Variants in COL4A6 observed in about 807,000 individuals in gnomAD.
COL4A6 encodes the protein collagen type IV alpha 6 chain.
A neutral mutation model predicts 126.7 loss-of-function variants in COL4A6; 59 were observed. The ratio of observed to expected loss-of-function variants is 0.47; its 90% CI spans 0.38 to 0.58. The LOEUF is 0.58. Among genes scored for constraint, COL4A6 ranks in the 20% least tolerant of loss-of-function variants. The probability of loss-of-function intolerance (pLI) is 0.00; values close to 1 mark genes in which losing one functional copy is unlikely to be tolerated. For synonymous variants in COL4A6, 547 were observed against 496.6 expected, an observed-to-expected ratio of 1.10 and a Z score of -1.35; for missense variants, 1,285 against 1,337.3, an observed-to-expected ratio of 0.96 and a Z score of 0.61.
intron 14 of COL4A6, 149 bp downstream of exon 14, chrX:108,196,362 A>G: frequency 2.0e-6 from 1 of 504,492 alleles, no homozygotes; most frequent in East Asian, 3.4e-5. Context: ...GGGCTAAGAG[A>G]GAAGGAGGTC....
chrX:108,238,112 G>GT (rs376912396), intron 3 of COL4A6, among the ~76,000 whole-genome samples: 117 of 93,693 alleles, frequency 1.2e-3, no homozygotes, highest in Middle Eastern at 5.1e-3. Context: ...GTGTGTGTGT[G>GT]TTTTTTTTTT....
chrX:108,318,546 G>GTT (rs1194513517), intron 2 of COL4A6, among the ~76,000 whole-genome samples: 2 of 110,933 alleles, frequency 1.8e-5, no homozygotes, highest in Non-Finnish European at 3.8e-5. Context: ...CAAAATCAAT[G>GTT]TACAAAAATC....
chrX:108,292,093 G>T (rs1160843703), intron 3 of COL4A6, among the ~76,000 whole-genome samples: 1 of 111,435 alleles, frequency 9.0e-6, no homozygotes, highest in Non-Finnish European at 1.9e-5. Context: ...ACAAACTGTT[G>T]GTCATATTTT....
intron 8 of COL4A6, 80 bp from the exon 9 acceptor site, chrX:108,206,660 C>A: frequency 1.2e-6 from 1 of 835,108 alleles, no homozygotes; most frequent in South Asian, 2.1e-5. Context: ...TCCACGAGAA[C>A]TGTACAAGAA....
chrX:108,343,767 A>T (rs1309055310), intron 2 of COL4A6, among the ~76,000 whole-genome samples: 1 of 105,465 alleles, frequency 9.5e-6, no homozygotes, highest in South Asian at 4.6e-4. Flanking sequence ...AATGAACATA[A>T]TTTGCCAGCT....
At chrX:108,218,256 C>A (rs2035916347) in intron 5 of COL4A6, among the ~76,000 whole-genome samples, 1 of 110,892 alleles carries the variant, frequency 9.0e-6, no homozygotes, top group Admixed American at 9.5e-5. Flanking sequence ...GAAGAGGCTG[C>A]CTCCAGTTTG....
chrX:108,388,981 T>C (rs771727619), intron 2 of COL4A6, among the ~76,000 whole-genome samples: 6 of 111,914 alleles, frequency 5.4e-5, no homozygotes, highest in African/African-American at 9.8e-5. Context: ...TACCCAGTAG[T>C]CATTCAGGAG....
chrX:108,435,886 A>C (rs1471720618), intron 2 of COL4A6, among the ~76,000 whole-genome samples: 2 of 112,018 alleles, frequency 1.8e-5, no homozygotes, highest in Non-Finnish European at 3.8e-5. Flanking sequence ...ATATTAGTCA[A>C]ACATGGCACA....
intron 3 of COL4A6, among the ~76,000 whole-genome samples, chrX:108,257,079 G>A (rs908490432): frequency 5.4e-5 from 6 of 111,639 alleles, no homozygotes; most frequent in African/African-American, 1.3e-4. Flanking sequence ...ACGAACCAAG[G>A]CAAGAAGTTG....
rs763703752 is a variant in COL4A6, at chrX:108,217,605, G to C, written c.324+2093C>G. On this transcript the variant is annotated intron_variant, in intron 5 of 44. Transcript: ENST00000334504. ...ACTATCTATCACTAAGTCCCATAGG[G>C]CTGTAGGCTGTAGGTAGTGAGGCAC... 4.5e-5 allele frequency among the ~76,000 whole-genome samples: 5 copies of C among 111,449 alleles called. No individual in the cohort carries two copies. The South Asian group carries it at 1.6e-3, about 35-fold the overall frequency.
At chrX:108,357,195 AG>A (rs1638608691) in intron 2 of COL4A6, among the ~76,000 whole-genome samples, 2 of 111,648 alleles carry the variant, frequency 1.8e-5, no homozygotes, top group African/African-American at 3.3e-5. Context: ...GAAAATACAC[AG>A]GACTGAGACA....
chrX:108,172,536 C>A lies in COL4A6; in HGVS notation c.3139-4G>T. 8.4e-7 allele frequency: 1 copy of A among 1,197,427 alleles called. No homozygotes were observed. Among genetic ancestry groups the A allele is most frequent in the Non-Finnish European group, 1.1e-6 (1 of 885,960 alleles). The stretch of plus-strand genomic sequence containing the variant: ...ACCCTCTGATACCTTGTGAACCCTT[C>A]GAAGCAATATGGGAATCATCATTTC... On this transcript the variant is annotated splice_region_variant and splice_polypyrimidine_tract_variant and intron_variant, in intron 31 of 44. Coordinates refer to ENST00000334504, the MANE Select transcript of COL4A6 (RefSeq NM_033641.4).
intron 2 of COL4A6, among the ~76,000 whole-genome samples, chrX:108,392,930 T>C (rs985391732): frequency 8.9e-6 from 1 of 111,812 alleles, no homozygotes; most frequent in South Asian, 3.7e-4. Context: ...CAGTTTATGG[T>C]ATTTTGTTAC....
intron 3 of COL4A6, among the ~76,000 whole-genome samples, chrX:108,274,866 T>C (rs1001873182): frequency 9.0e-6 from 1 of 111,257 alleles, no homozygotes. Context: ...AATATAATCA[T>C]GGGAATGACT....
At chrX:108,372,021 C>T (rs1038935572) in intron 2 of COL4A6, among the ~76,000 whole-genome samples, 19 of 111,021 alleles carry the variant, frequency 1.7e-4, no homozygotes, top group African/African-American at 6.2e-4. Context: ...TTTTGCTTCC[C>T]CTGCACAGAC....
intron 2 of COL4A6, 58 bp from the exon 3 acceptor site, chrX:108,310,886 A>T (rs1018664260): frequency 6.5e-6 from 6 of 929,789 alleles, no homozygotes; most frequent in Non-Finnish European, 9.3e-6. Flanking sequence ...ATGTTGTCCC[A>T]GCAGACCTAA....
intron 3 of COL4A6, among the ~76,000 whole-genome samples, chrX:108,233,103 A>G (rs1177034614): frequency 1.8e-5 from 2 of 112,335 alleles, no homozygotes; most frequent in Non-Finnish European, 3.8e-5. Context: ...CGGTTTATTT[A>G]AAAATACATG....
Position 108,175,732 on chromosome X carries a change from T to C in COL4A6, c.2752A>G (p.Thr918Ala). The C allele has an allele frequency of 8.4e-7, 1 of 1,197,405 alleles. No homozygotes were observed. The highest frequency in any genetic ancestry group is 1.7e-5 in the African/African-American group (1 of 57,272). Residue 918 changes from threonine (T) to alanine (A), a missense_variant, in exon 29 of 45, where the codon ACA becomes GCA. By Grantham distance (58) the Thr-to-Ala change is moderately conservative. Coordinates refer to ENST00000334504, the MANE Select transcript of COL4A6 (RefSeq NM_033641.4). ...CCTGGAATTCCTTTTAATCCTCTTG[T>C]TCCAGGAATACCAGGCAGACCTGGT... is the stretch of plus-strand genomic sequence containing the variant. ...GIPGLPGIPG[T>A]RGLKGIPGST...
chrX:108,245,643 G>C (rs1373831645), intron 3 of COL4A6, among the ~76,000 whole-genome samples: 4 of 111,447 alleles, frequency 3.6e-5, no homozygotes, highest in Non-Finnish European at 5.7e-5. Context: ...TCCATATTTC[G>C]ATATGCAGGT....
Sources: allele counts gnomAD v4.1 joint callset (sites outside exome capture counted in the v4.1 genomes callset), GRCh38; gene constraint gnomAD v4.1.1; transcripts MANE v1.5; gene names NCBI Gene and HGNC (gene_info 2026-07-23, HGNC 2026-07-21).